CCDC13: variants seen among roughly 807,000 people sequenced by gnomAD.
The protein encoded by CCDC13 is coiled-coil domain containing 13, also known as coiled-coil domain-containing protein 13.
A neutral mutation model predicts 87.3 loss-of-function variants in CCDC13; 70 were observed. The observed-to-expected ratio is 0.80, with a 90% CI of 0.66 to 0.98. CCDC13 has a LOEUF of 0.98. Ranked by LOEUF, CCDC13 falls within the 50% of genes least tolerant of loss-of-function variation. The probability of loss-of-function intolerance (pLI) is 0.00; values close to 1 mark genes in which losing one functional copy is unlikely to be tolerated. For synonymous variants in CCDC13, 317 were observed against 360.3 expected (o/e 0.88, Z 1.36); for missense variants, 842 against 892.0 (o/e 0.94, Z 0.71).
At chr3:42,742,099 G>T (rs368109849) in intron 8 of CCDC13, among the ~76,000 whole-genome samples, 1 of 152,180 alleles carries the variant, frequency 6.6e-6, no homozygotes, top group African/African-American at 2.4e-5. Flanking sequence ...TACTCTCATT[G>T]CAAGTTTGGG....
chr3:42,750,044 G>A lies in CCDC13; in HGVS notation c.603+1892C>T, dbSNP rs181973362. The A allele has an allele frequency of 5.0e-4, 213 of 423,406 alleles. 5 individuals are homozygous for A. In the East Asian group the frequency reaches 0.015, roughly 29 times the overall value. The allele number at this position is 423,406 out of a possible 1,614,324, so 26.2% of individuals were successfully genotyped here. A position where few individuals can be genotyped will look rare whatever the true frequency, so the allele number is the denominator to read the frequency against. ...TGGTGCTGATGAATTGAGACCTGCG[G>A]CCCATCACACACTCTTCTCTCAGAA... On this transcript the variant is annotated intron_variant, in intron 5 of 15. Coordinates refer to ENST00000310232, the MANE Select transcript of CCDC13 (RefSeq NM_144719.4).
In CCDC13 at chr3:42,713,267, C is replaced by T. The variant is rs930987050; in HGVS notation, c.1768G>A (p.Glu590Lys). The T allele has an allele frequency of 5.6e-6, 9 of 1,614,044 alleles. No individual in the cohort carries two copies. The Admixed American group carries it at 8.3e-5, about 15-fold the overall frequency. ...AGCACCACGGTGCGGTGTCGCTCCT[C>T]CTGCAGCTTCCTCTCTGACTCCAGG... ...KLLESERKLQEERHRTVVLEQ... is the reference protein window; with the variant it reads ...KLLESERKLQKERHRTVVLEQ... The change falls in exon 14 of 16, where the codon GAG becomes AAG. Residue 590 changes from glutamate (E) to lysine (K), a missense_variant. Physicochemically the swap from Glu to Lys is moderately conservative, Grantham distance 56. Transcript: ENST00000310232.
At position 42,757,161 on chromosome 3, in the gene CCDC13, TCCA is replaced by T. The variant is rs1483719348; in HGVS notation, c.272_274del (p.Val91del). 1 of 1,614,224 alleles carries T rather than the reference TCCA, an allele frequency of 6.2e-7. No homozygotes were observed. Among genetic ancestry groups the T allele is most frequent in the African/African-American group, 1.3e-5 (1 of 75,052 alleles). ...CAGCTTATACAATCGCCCGTTCTCG[TCCA>T]CCGTTTCCCTGAGCTCATTTCGAAG... On this transcript the variant is annotated inframe_deletion, in exon 3 of 16. Coordinates refer to ENST00000310232, the MANE Select transcript of CCDC13 (RefSeq NM_144719.4).
At chr3:42,729,191 AC>A (rs1282684271) in intron 13 of CCDC13, among the ~76,000 whole-genome samples, 1 of 152,088 alleles carries the variant, frequency 6.6e-6, no homozygotes. Flanking sequence ...TTTTTCACAC[AC>A]CCCCAAACTC....
intron 3 of CCDC13, among the ~76,000 whole-genome samples, chr3:42,753,970 C>T (rs1432852318): frequency 6.6e-6 from 1 of 152,168 alleles, no homozygotes; most frequent in Non-Finnish European, 1.5e-5. Flanking sequence ...GCTAGTCCAG[C>T]ATCGTCATCG....
At chr3:42,756,796 A>G (rs917674372) in intron 3 of CCDC13, among the ~76,000 whole-genome samples, 4 of 152,110 alleles carry the variant, frequency 2.6e-5, no homozygotes, top group African/African-American at 9.7e-5. Flanking sequence ...TGGATCACCA[A>G]CATTGCCTAT....
At chr3:42,734,544 A>C (rs1197583899) in intron 10 of CCDC13, among the ~76,000 whole-genome samples, 4 of 152,150 alleles carry the variant, frequency 2.6e-5, no homozygotes, top group Non-Finnish European at 4.4e-5. Context: ...CTGGGGCCCC[A>C]GGCTACCCTG....
At chr3:42,740,280 C>A (rs1042139402) in intron 8 of CCDC13, among the ~76,000 whole-genome samples, 3 of 152,220 alleles carry the variant, frequency 2.0e-5, no homozygotes, top group African/African-American at 7.2e-5. Context: ...TCTCCCACTT[C>A]CTCCATGATT....
At chr3:42,728,201 C>G (rs999301817) in intron 13 of CCDC13, among the ~76,000 whole-genome samples, 1 of 152,216 alleles carries the variant, frequency 6.6e-6, no homozygotes, top group Admixed American at 6.5e-5. Flanking sequence ...GAGCTTGGCT[C>G]GCCCTTGGCC....
chr3:42,763,532 T>A (rs1331423036), intron 1 of CCDC13, among the ~76,000 whole-genome samples: 2 of 150,364 alleles, frequency 1.3e-5, no homozygotes, highest in African/African-American at 4.9e-5. Context: ...TTAGATGAAG[T>A]CTCGCTCTGT....
chr3:42,718,391 ACAT>A lies in CCDC13; in HGVS notation c.1719-5078_1719-5076del, dbSNP rs200788078. Among the ~76,000 whole-genome samples the A allele has an allele frequency of 5.6e-3, 854 of 152,364 alleles. 13 individuals are homozygous for A. The highest frequency in any genetic ancestry group is 0.024 in the South Asian group (117 of 4,828). ...ATAAATAACCCACCCCTTGTTTAGC[ACAT>A]CATCAAGAAATAACCATAAAAACGG... On this transcript the variant is annotated intron_variant, in intron 13 of 15. Transcript: ENST00000310232.
At chr3:42,741,605 C>A (rs1178033492) in intron 8 of CCDC13, among the ~76,000 whole-genome samples, 1 of 152,166 alleles carries the variant, frequency 6.6e-6, no homozygotes, top group African/African-American at 2.4e-5. Context: ...GGCATGGTGG[C>A]AGGTGCCTGT....
chr3:42,717,439 T>A (rs2372071), intron 13 of CCDC13, among the ~76,000 whole-genome samples: 69,885 of 142,744 alleles, frequency 0.49, 17,669 homozygotes, highest in African/African-American at 0.59. Context: ...AAAAAAAAAA[T>A]AAGTAAAGAG....
Position 42,707,295 on chromosome 3 carries a change from C to A in CCDC13, c.*1685G>T, listed in dbSNP as rs1431207352. On this transcript the variant is annotated 3_prime_UTR_variant, in exon 16 of 16. Transcript: ENST00000310232. ...AGACCCTCTCTCTCCTGGCTCTCTG[C>A]CTGGCCGTTTTCCTTCACAAGGAAC... is the stretch of plus-strand genomic sequence containing the variant. 6.6e-6 allele frequency among the ~76,000 whole-genome samples: 1 copy of A among 152,200 alleles called. No homozygotes were observed. The highest frequency in any genetic ancestry group is 1.5e-5 in the Non-Finnish European group (1 of 68,028).
intron 8 of CCDC13, 126 bp from the exon 9 acceptor site, chr3:42,739,936 A>T (rs984949313): frequency 1.2e-6 from 1 of 844,800 alleles, no homozygotes; most frequent in African/African-American, 1.7e-5. Context: ...AATGCCACAG[A>T]GCAAGTCACT....
chr3:42,742,773 A>C, intron 8 of CCDC13, 123 bp downstream of exon 8: 1 of 1,226,066 alleles, frequency 8.2e-7, no homozygotes, highest in Non-Finnish European at 1.1e-6. Flanking sequence ...CCAGGTCCCC[A>C]GGTGTCTCCT....
chr3:42,743,065 T>G lies in CCDC13; in HGVS notation c.826-8A>C. On this transcript the variant is annotated splice_polypyrimidine_tract_variant and splice_region_variant and intron_variant, in intron 7 of 15. Coordinates refer to ENST00000310232, the MANE Select transcript of CCDC13 (RefSeq NM_144719.4). Reference sequence around the variant, plus strand: ...CTTCTCAAGCTCTTGAACCTGAGGATGGTAAAACTCGTCGTTCCACAATGG... The same window carrying G: ...CTTCTCAAGCTCTTGAACCTGAGGAGGGTAAAACTCGTCGTTCCACAATGG... 1 of 1,613,820 alleles carries G rather than the reference T, an allele frequency of 6.2e-7. No homozygotes were observed. Among genetic ancestry groups the G allele is most frequent in the Non-Finnish European group, 8.5e-7 (1 of 1,179,834 alleles).
intron 13 of CCDC13, among the ~76,000 whole-genome samples, chr3:42,729,357 T>A (rs1320571300): frequency 1.3e-5 from 2 of 152,238 alleles, no homozygotes; most frequent in Non-Finnish European, 2.9e-5. Flanking sequence ...GAAATTCACA[T>A]CATCTCTATG....
intron 1 of CCDC13, among the ~76,000 whole-genome samples, chr3:42,772,289 A>AAAT (rs1559669825): frequency 1.4e-5 from 1 of 72,064 alleles, no homozygotes; most frequent in Non-Finnish European, 2.7e-5. Context: ...AAAAAAAAAA[A>AAAT]AGTAATAATA....
Sources: allele counts gnomAD v4.1 joint callset (sites outside exome capture counted in the v4.1 genomes callset), GRCh38; gene constraint gnomAD v4.1.1; transcripts MANE v1.5; gene names NCBI Gene and HGNC (gene_info 2026-07-23, HGNC 2026-07-21).